The following OSBPL10 variants were observed in gnomAD, a reference collection of about 807,000 sequenced individuals.
The protein encoded by OSBPL10 is oxysterol binding protein like 10.
OSBPL10 carries 49 observed loss-of-function variants against 81.7 expected under a neutral mutation model. The observed-to-expected ratio is 0.60, with a 90% CI of 0.48 to 0.76. OSBPL10 has a LOEUF of 0.76. Ranked by LOEUF, OSBPL10 falls within the 30% of genes least tolerant of loss-of-function variation. The probability of loss-of-function intolerance (pLI) is 0.00; values close to 1 mark genes in which losing one functional copy is unlikely to be tolerated. For missense variants in OSBPL10, 923 were observed against 987.8 expected, an observed-to-expected ratio of 0.93 and a Z score of 0.88; for synonymous variants, 419 against 383.6, an observed-to-expected ratio of 1.09 and a Z score of -1.08.
chr3:31,931,014 C>CAAAAAAAA (rs60251266), intron 1 of OSBPL10, among the ~76,000 whole-genome samples: 4 of 62,074 alleles, frequency 6.4e-5, no homozygotes, highest in African/African-American at 2.8e-4. Flanking sequence ...GACTCGGTCT[C>CAAAAAAAA]AAAAAAAAAA....
chr3:31,765,331 C>T (rs1465864920), intron 4 of OSBPL10, among the ~76,000 whole-genome samples: 1 of 152,068 alleles, frequency 6.6e-6, no homozygotes, highest in Non-Finnish European at 1.5e-5. Flanking sequence ...TCACTGTGCC[C>T]AGCCTCTACT....
At chr3:31,850,224 C>T (rs1700730026) in intron 3 of OSBPL10, among the ~76,000 whole-genome samples, 1 of 152,080 alleles carries the variant, frequency 6.6e-6, no homozygotes. Flanking sequence ...GTCCTAGCTA[C>T]TCAGGAGACT....
chr3:31,972,878 A>T (rs1292879252), intron 1 of OSBPL10, among the ~76,000 whole-genome samples: 1 of 152,210 alleles, frequency 6.6e-6, no homozygotes, highest in Non-Finnish European at 1.5e-5. Flanking sequence ...TTCATGGTGC[A>T]AATGCCTTCT....
chr3:31,709,163 T>TC (rs2125610278), intron 6 of OSBPL10: 2 of 442,938 alleles, frequency 4.5e-6, no homozygotes, highest in East Asian at 1.5e-4. Flanking sequence ...AGCAAGCTAG[T>TC]CCCAGCTGCC....
intron 1 of OSBPL10, among the ~76,000 whole-genome samples, chr3:32,075,902 C>T (rs571816196): frequency 5.9e-5 from 9 of 152,290 alleles, no homozygotes; most frequent in East Asian, 5.8e-4. Flanking sequence ...TGACATTCCA[C>T]CATTGAGATT....
At chr3:32,015,816 T>C (rs938058313) in intron 2 of OSBPL10, among the ~76,000 whole-genome samples, 20 of 152,300 alleles carry the variant, frequency 1.3e-4, no homozygotes, top group African/African-American at 3.4e-4. Flanking sequence ...CAAAAGAAGA[T>C]ATTTATGCAG....
At chr3:32,056,998 G>A (rs1048746023) in intron 1 of OSBPL10, among the ~76,000 whole-genome samples, 8 of 152,184 alleles carry the variant, frequency 5.3e-5, no homozygotes, top group Non-Finnish European at 8.8e-5. Flanking sequence ...CTCATTATAT[G>A]CTAATTATAA....
intron 1 of OSBPL10, among the ~76,000 whole-genome samples, chr3:32,058,574 A>C (rs1699730058): frequency 6.6e-6 from 1 of 152,068 alleles, no homozygotes; most frequent in South Asian, 2.1e-4. Flanking sequence ...TGATCCGCCC[A>C]CCTCGGCCTC....
chr3:31,879,875 T>C (rs773543640), intron 1 of OSBPL10, 45 bp from the exon 2 acceptor site: 1 of 1,570,992 alleles, frequency 6.4e-7, no homozygotes, highest in Non-Finnish European at 8.6e-7. Flanking sequence ...TCCTACCCTA[T>C]TCTGCACAGC....
At chr3:31,678,486 T>C (rs1442729902) in intron 8 of OSBPL10, among the ~76,000 whole-genome samples, 1 of 152,224 alleles carries the variant, frequency 6.6e-6, no homozygotes, top group African/African-American at 2.4e-5. Flanking sequence ...AAGTGACTGC[T>C]ATTTGGTAGA....
At chr3:31,762,644 T>G (rs1698084095) in intron 4 of OSBPL10, among the ~76,000 whole-genome samples, 1 of 135,488 alleles carries the variant, frequency 7.4e-6, no homozygotes, top group Non-Finnish European at 1.6e-5. Flanking sequence ...TTTTTTTTTT[T>G]TTTTTGTAGA....
chr3:31,866,947 C>A (rs965798480), intron 3 of OSBPL10, among the ~76,000 whole-genome samples: 1 of 152,218 alleles, frequency 6.6e-6, no homozygotes, highest in African/African-American at 2.4e-5. Context: ...CCCCCTATGA[C>A]TTATAATGAA....
intron 2 of OSBPL10, among the ~76,000 whole-genome samples, chr3:31,992,007 G>A (rs13087927): frequency 0.053 from 8,108 of 152,062 alleles, 252 homozygotes; most frequent in Middle Eastern, 0.14. Flanking sequence ...TTAGCCAGGC[G>A]TAGTGGCACG....
chr3:31,853,564 T>A (rs2125581507), intron 3 of OSBPL10, among the ~76,000 whole-genome samples: 1 of 152,228 alleles, frequency 6.6e-6, no homozygotes, highest in Non-Finnish European at 1.5e-5. Context: ...GAAGAAAGGA[T>A]CGATGCTATA....
chr3:31,684,913 T>C (rs1700753194), intron 7 of OSBPL10, among the ~76,000 whole-genome samples: 1 of 152,148 alleles, frequency 6.6e-6, no homozygotes, highest in Non-Finnish European at 1.5e-5. Context: ...ATTGGCACCA[T>C]GATTGAAGAC....
chr3:32,026,079 A>T (rs1699408670), intron 2 of OSBPL10, among the ~76,000 whole-genome samples: 2 of 111,734 alleles, frequency 1.8e-5, no homozygotes, highest in Non-Finnish European at 4.2e-5. Flanking sequence ...AGATAGATAG[A>T]TAGATAGATA....
intron 3 of OSBPL10, among the ~76,000 whole-genome samples, chr3:31,833,945 G>C (rs1559484850): frequency 6.6e-6 from 1 of 152,192 alleles, no homozygotes; most frequent in Non-Finnish European, 1.5e-5. Flanking sequence ...TTTACAAGCA[G>C]TAACTTTGAG....
rs1320857923 is a variant in OSBPL10, at chr3:31,740,804, G to GA, written c.940+7105dup. 4.2e-5 allele frequency among the ~76,000 whole-genome samples: 6 copies of GA among 141,658 alleles called. No individual in the cohort carries two copies. The East Asian group carries it at 9.9e-4, about 23-fold the overall frequency. 92.9% of individuals were successfully genotyped at this position (141,658 alleles called of 152,430 possible). ...CAAAAAAAAGAAAAAAAGAAAGAAA[G>GA]AAAGAAAAGAAAAGAATGGTTATGA... On this transcript the variant is annotated intron_variant, in intron 5 of 11. Transcript: ENST00000396556.
At chr3:31,911,974 T>C (rs763384365) in intron 1 of OSBPL10, among the ~76,000 whole-genome samples, 2 of 152,078 alleles carry the variant, frequency 1.3e-5, no homozygotes, top group Non-Finnish European at 2.9e-5. Context: ...TGATTAAAAA[T>C]GGTAATTTTG....
Sources: gnomAD v4.1 joint callset for allele counts (sites outside exome capture counted in the v4.1 genomes callset) on GRCh38, gnomAD v4.1.1 for gene constraint, MANE v1.5 for transcripts, NCBI Gene and HGNC (gene_info 2026-07-23, HGNC 2026-07-21) for gene names.